The following ZC3H12B variants were observed in gnomAD, a reference collection of about 807,000 sequenced individuals.
The protein encoded by ZC3H12B is probable ribonuclease ZC3H12B.
ZC3H12B carries 7 observed loss-of-function variants against 43.9 expected under a neutral mutation model. That is an observed-to-expected ratio of 0.16 (90% confidence interval 0.09 to 0.30). ZC3H12B has a LOEUF of 0.30. Ranked by LOEUF, ZC3H12B falls within the 10% of genes least tolerant of loss-of-function variation. The pLI is 1.00. For missense variants in ZC3H12B, 475 were observed against 670.2 expected, an observed-to-expected ratio of 0.71 and a Z score of 3.22; for synonymous variants, 222 against 241.7, an observed-to-expected ratio of 0.92 and a Z score of 0.76.
the ZC3H12B span, among the ~76,000 whole-genome samples, chrX:65,125,691 G>T: frequency 9.0e-6 from 1 of 110,926 alleles, no homozygotes; most frequent in African/African-American, 3.3e-5. Flanking sequence ...GAATTTTTCT[G>T]TTGGATGAGG....
chrX:65,402,110 A>G (rs1172410514), intron 3 of ZC3H12B, among the ~76,000 whole-genome samples: 2 of 112,023 alleles, frequency 1.8e-5, no homozygotes, highest in Non-Finnish European at 3.8e-5. Flanking sequence ...GTTGCAGGCC[A>G]GGCAGCATTC....
the ZC3H12B span, among the ~76,000 whole-genome samples, chrX:65,103,991 A>T: frequency 8.9e-6 from 1 of 111,952 alleles, no homozygotes; most frequent in South Asian, 3.7e-4. Context: ...ACAAAGCTGG[A>T]GGTATCATGC....
intron 2 of ZC3H12B, among the ~76,000 whole-genome samples, chrX:65,395,163 T>C (rs2066680056): frequency 8.9e-6 from 1 of 111,911 alleles, no homozygotes; most frequent in Non-Finnish European, 1.9e-5. Flanking sequence ...ACAGAGACAA[T>C]TTGACTTCCT....
At chrX:65,051,928 G>T in the ZC3H12B span, among the ~76,000 whole-genome samples, 1 of 110,569 alleles carries the variant, frequency 9.0e-6, no homozygotes, top group Non-Finnish European at 1.9e-5. Context: ...GCATCTCTTG[G>T]TCAGCTCTTG....
chrX:65,158,739 G>C, the ZC3H12B span, among the ~76,000 whole-genome samples: 1 of 111,583 alleles, frequency 9.0e-6, no homozygotes, highest in South Asian at 3.7e-4. Flanking sequence ...TCACTCTGAT[G>C]GTAGTTTCTT....
chrX:65,216,402 G>A, the ZC3H12B span, among the ~76,000 whole-genome samples: 1 of 111,269 alleles, frequency 9.0e-6, no homozygotes, highest in African/African-American at 3.3e-5. Context: ...AACTTTGCTG[G>A]TGTCCATGGA....
the ZC3H12B span, among the ~76,000 whole-genome samples, chrX:65,121,826 G>T: frequency 3.9e-4 from 43 of 111,091 alleles, no homozygotes; most frequent in South Asian, 9.3e-3. Flanking sequence ...GTGTCCCAGA[G>T]ATTCTAGTAT....
the ZC3H12B span, among the ~76,000 whole-genome samples, chrX:65,227,385 G>T: frequency 1.8e-5 from 2 of 111,846 alleles, no homozygotes; most frequent in Non-Finnish European, 3.8e-5. Flanking sequence ...TCAAAGCAGT[G>T]TGTACAGGGA....
chrX:65,397,293 C>T (rs979033458), intron 2 of ZC3H12B, among the ~76,000 whole-genome samples: 1 of 111,717 alleles, frequency 9.0e-6, no homozygotes, highest in Non-Finnish European at 1.9e-5. Flanking sequence ...TTCATGGTGT[C>T]ACTGGTCTTT....
chrX:65,043,957 C>T, the ZC3H12B span, among the ~76,000 whole-genome samples: 2 of 111,925 alleles, frequency 1.8e-5, no homozygotes, highest in South Asian at 7.4e-4. Context: ...AGCGTTGCTA[C>T]ATGCACAGCC....
chrX:65,283,741 G>A, the ZC3H12B span, among the ~76,000 whole-genome samples: 1 of 111,268 alleles, frequency 9.0e-6, no homozygotes, highest in Non-Finnish European at 1.9e-5. Flanking sequence ...ATTTTCAAAA[G>A]TAGCCAGTGG....
At chrX:65,380,057 C>G (rs894444991) in intron 2 of ZC3H12B, among the ~76,000 whole-genome samples, 1 of 111,959 alleles carries the variant, frequency 8.9e-6, no homozygotes, top group Non-Finnish European at 1.9e-5. Context: ...AAGAGAAATT[C>G]CCCAATCTAG....
At chrX:65,205,199 T>C in the ZC3H12B span, among the ~76,000 whole-genome samples, 5 of 112,051 alleles carry the variant, frequency 4.5e-5, no homozygotes, top group Non-Finnish European at 9.4e-5. Flanking sequence ...TTCAACCGGA[T>C]TATCATTAAC....
the ZC3H12B span, among the ~76,000 whole-genome samples, chrX:65,149,510 A>G: frequency 9.0e-6 from 1 of 110,949 alleles, no homozygotes; most frequent in African/African-American, 3.3e-5. Flanking sequence ...TCATGCCTGT[A>G]AACCCAGCAC....
the ZC3H12B span, among the ~76,000 whole-genome samples, chrX:65,064,580 C>A: frequency 9.0e-6 from 1 of 111,370 alleles, no homozygotes; most frequent in Non-Finnish European, 1.9e-5. Flanking sequence ...ATCATGTGGT[C>A]AGTTTTTGAA....
chrX:65,117,382 C>A, the ZC3H12B span, among the ~76,000 whole-genome samples: 4 of 111,691 alleles, frequency 3.6e-5, no homozygotes, highest in East Asian at 2.8e-4. Flanking sequence ...CTGTTCATAT[C>A]CTTCGCCCAC....
At chrX:65,278,253 T>G in the ZC3H12B span, among the ~76,000 whole-genome samples, 3 of 111,763 alleles carry the variant, frequency 2.7e-5, no homozygotes, top group Non-Finnish European at 5.6e-5. Flanking sequence ...CATTATATGC[T>G]AATTATAATG....
At chrX:65,407,076 G>GAAAGAAGACCGAGGAAGAAAAC (rs1295978312) in intron 3 of ZC3H12B, among the ~76,000 whole-genome samples, 1 of 112,567 alleles carries the variant, frequency 8.9e-6, no homozygotes, top group African/African-American at 3.2e-5. Flanking sequence ...AGGAAGGAAA[G>GAAAGAAGACCGAGGAAGAAAAC]AAAGAAGACC....
At chrX:65,215,213 T>A in the ZC3H12B span, among the ~76,000 whole-genome samples, 1 of 111,829 alleles carries the variant, frequency 8.9e-6, no homozygotes, top group African/African-American at 3.2e-5. Flanking sequence ...CTTAAAGTCA[T>A]CAACTGCATT....
Sources: allele counts gnomAD v4.1 joint callset (sites outside exome capture counted in the v4.1 genomes callset), GRCh38; gene constraint gnomAD v4.1.1; transcripts MANE v1.5; gene names NCBI Gene and HGNC (gene_info 2026-07-23, HGNC 2026-07-21).